Variants in PRKCQ observed in about 807,000 individuals in gnomAD.
The protein encoded by PRKCQ is protein kinase C theta type.
A neutral mutation model predicts 91.2 loss-of-function variants in PRKCQ; 41 were observed. The observed-to-expected ratio is 0.45, with a 90% CI of 0.35 to 0.58. The LOEUF is 0.58. Ranked by LOEUF, PRKCQ falls within the 20% of genes least tolerant of loss-of-function variation. The pLI, the probability that PRKCQ is intolerant of heterozygous loss-of-function variation, is 0.00. For missense variants in PRKCQ, 673 were observed against 896.5 expected (o/e 0.75, Z 3.18); for synonymous variants, 307 against 316.9 (o/e 0.97, Z 0.33).
intron 1 of PRKCQ, among the ~76,000 whole-genome samples, chr10:6,570,718 C>T (rs1285724128): frequency 6.6e-6 from 1 of 152,034 alleles, no homozygotes; most frequent in Non-Finnish European, 1.5e-5. Flanking sequence ...GCACGCCTGG[C>T]TAATTTTTGT....
intron 1 of PRKCQ, among the ~76,000 whole-genome samples, chr10:6,571,826 CAACAAACAAACCAAGA>C (rs1452641983): frequency 2.0e-5 from 3 of 151,836 alleles, no homozygotes; most frequent in Admixed American, 1.3e-4. Context: ...ACAAACAAAC[CAACAAACAAACCAAGA>C]AACAAACAAA....
intron 2 of PRKCQ, among the ~76,000 whole-genome samples, chr10:6,514,785 A>G (rs1398302195): frequency 1.3e-5 from 2 of 152,212 alleles, no homozygotes; most frequent in Non-Finnish European, 2.9e-5. Context: ...TATATGTGGG[A>G]AAAATGATAC....
At chr10:6,531,930 TAC>T (rs1491180929) in intron 1 of PRKCQ, among the ~76,000 whole-genome samples, 15 of 152,200 alleles carry the variant, frequency 9.9e-5, no homozygotes, top group African/African-American at 3.4e-4. Context: ...CAAAGCTATC[TAC>T]CTAATTAGCA....
intron 13 of PRKCQ, among the ~76,000 whole-genome samples, chr10:6,462,578 A>G (rs1835412395): frequency 6.6e-6 from 1 of 152,236 alleles, no homozygotes; most frequent in Non-Finnish European, 1.5e-5. Flanking sequence ...CTAACAGCAT[A>G]AAACAGAGCT....
intron 15 of PRKCQ, among the ~76,000 whole-genome samples, chr10:6,452,416 T>C (rs1039711895): frequency 6.6e-6 from 1 of 152,006 alleles, no homozygotes; most frequent in Non-Finnish European, 1.5e-5. Flanking sequence ...CTCAATGATA[T>C]AAAAGAGGAT....
intron 7 of PRKCQ, among the ~76,000 whole-genome samples, chr10:6,492,030 A>G (rs185138167): frequency 1.8e-4 from 27 of 152,352 alleles, no homozygotes; most frequent in African/African-American, 6.0e-4. Flanking sequence ...TGCCTTCTGC[A>G]TGTAGCAAGA....
intron 1 of PRKCQ, among the ~76,000 whole-genome samples, chr10:6,526,754 T>G (rs929266864): frequency 2.0e-5 from 3 of 152,132 alleles, no homozygotes; most frequent in African/African-American, 4.8e-5. Flanking sequence ...GGAGTTCAGG[T>G]AGGACACCGC....
At chr10:6,572,928 CT>C in intron 1 of PRKCQ, among the ~76,000 whole-genome samples, 1 of 152,140 alleles carries the variant, frequency 6.6e-6, no homozygotes, top group African/African-American at 2.4e-5. Context: ...AATCACCATT[CT>C]GACTTGCAGG....
chr10:6,519,248 C>T (rs1380377874), intron 1 of PRKCQ, among the ~76,000 whole-genome samples: 2 of 152,174 alleles, frequency 1.3e-5, no homozygotes, highest in Non-Finnish European at 2.9e-5. Flanking sequence ...CTGGAATAGC[C>T]TGCCTCAGGA....
At chr10:6,521,730 G>A (rs1054890076) in intron 1 of PRKCQ, among the ~76,000 whole-genome samples, 2 of 152,140 alleles carry the variant, frequency 1.3e-5, no homozygotes, top group South Asian at 2.1e-4. Flanking sequence ...CTCTGCTACG[G>A]AGCTCCCACA....
intron 14 of PRKCQ, among the ~76,000 whole-genome samples, chr10:6,459,117 C>T (rs11258964): frequency 1.3e-5 from 2 of 152,146 alleles, no homozygotes; most frequent in African/African-American, 4.8e-5. Context: ...CCTGGAGTCA[C>T]TTCTTCCATC....
chr10:6,499,720 G>A (rs1358949191), intron 4 of PRKCQ, among the ~76,000 whole-genome samples: 1 of 152,184 alleles, frequency 6.6e-6, no homozygotes, highest in East Asian at 1.9e-4. Context: ...ATTTCACAAT[G>A]AGTTAATAAT....
chr10:6,491,452 G>C lies in PRKCQ; in HGVS notation c.790+231C>G, dbSNP rs3815976. On this transcript the variant is annotated intron_variant, in intron 8 of 17. Transcript: ENST00000263125. ...GTGATGGAGCTAGGAGTTTGACCTT[G>C]AACCTGAACTGTTGTGCTCTTTTCT... Among the ~76,000 whole-genome samples, 35 of 152,318 alleles carry C rather than the reference G, an allele frequency of 2.3e-4. No homozygotes were observed. The East Asian group carries it at 6.8e-3, about 29-fold the overall frequency.
chr10:6,485,115 G>C, intron 10 of PRKCQ, 37 bp downstream of exon 10: 9 of 1,535,642 alleles, frequency 5.9e-6, no homozygotes, highest in Non-Finnish European at 8.1e-6. Context: ...TGAGATTAAT[G>C]ACTGACAGTG....
intron 8 of PRKCQ, among the ~76,000 whole-genome samples, chr10:6,489,033 T>C (rs537885976): frequency 3.9e-5 from 6 of 152,194 alleles, no homozygotes; most frequent in Non-Finnish European, 8.8e-5. Flanking sequence ...TCCTTCCGCA[T>C]TGCCCTCCCA....
At chr10:6,419,014 T>C in the PRKCQ span, among the ~76,000 whole-genome samples, 1 of 147,124 alleles carries the variant, frequency 6.8e-6, no homozygotes, top group African/African-American at 2.5e-5. Context: ...TTGCTATCTA[T>C]GTATCTATCA....
chr10:6,418,837 CTATG>C, the PRKCQ span, among the ~76,000 whole-genome samples: 1 of 152,180 alleles, frequency 6.6e-6, no homozygotes, highest in Non-Finnish European at 1.5e-5. Context: ...ATCTATCTAC[CTATG>C]TATCATCTAT....
rs115669565 is a variant in PRKCQ at position 6,481,128 on chromosome 10, T to C, written c.1180-1963A>G. Among the ~76,000 whole-genome samples the C allele has an allele frequency of 5.4e-3, 820 of 152,286 alleles. 8 individuals are homozygous for C. Among genetic ancestry groups the C allele is most frequent in the African/African-American group, 0.019 (772 of 41,562 alleles). ...CTCCGTGTATAGGGACCCAGGGTCC[T>C]GATGAAAAGAAGTAGACAGCTTTGG... is the stretch of plus-strand genomic sequence containing the variant. On this transcript the variant is annotated intron_variant, in intron 11 of 17. Transcript: ENST00000263125.
intron 1 of PRKCQ, among the ~76,000 whole-genome samples, chr10:6,521,649 A>G (rs925994538): frequency 6.6e-5 from 10 of 152,218 alleles, no homozygotes; most frequent in Admixed American, 1.3e-4. Context: ...GTGTACCAAA[A>G]AGAGCAGGAG....
Sources: gnomAD v4.1 joint callset for allele counts (sites outside exome capture counted in the v4.1 genomes callset) on GRCh38, gnomAD v4.1.1 for gene constraint, MANE v1.5 for transcripts, NCBI Gene and HGNC (gene_info 2026-07-23, HGNC 2026-07-21) for gene names.